The following COA8 variants were observed in gnomAD, a reference collection of about 807,000 sequenced individuals.
COA8 encodes the protein UPF0671 protein C14orf153.
COA8 carries 20 observed loss-of-function variants against 22.0 expected under a neutral mutation model. The observed-to-expected ratio is 0.91, with a 90% CI of 0.64 to 1.32. COA8 has a LOEUF of 1.32. Among genes scored for constraint, COA8 ranks in the 40% most tolerant of loss-of-function variants. The probability of loss-of-function intolerance (pLI) is 0.00; values close to 1 mark genes in which losing one functional copy is unlikely to be tolerated. For synonymous variants in COA8, 105 were observed against 79.9 expected (o/e 1.31, Z -1.68); for missense variants, 266 against 230.0 (o/e 1.16, Z -1.01).
At chr14:103,565,265 C>T (rs571893095) in intron 1 of COA8, among the ~76,000 whole-genome samples, 1 of 152,202 alleles carries the variant, frequency 6.6e-6, no homozygotes, top group East Asian at 1.9e-4. Context: ...CAGCCAGCAC[C>T]AGCTTTTAAT....
At chr14:103,568,268 AG>A (rs902035878) in intron 1 of COA8, among the ~76,000 whole-genome samples, 1 of 151,998 alleles carries the variant, frequency 6.6e-6, no homozygotes, top group Non-Finnish European at 1.5e-5. Flanking sequence ...TGGCTTCTGG[AG>A]GGAGAGATGC....
chr14:103,564,534 C>T (rs1471072524), intron 1 of COA8, among the ~76,000 whole-genome samples: 2 of 150,850 alleles, frequency 1.3e-5, no homozygotes, highest in East Asian at 3.9e-4. Flanking sequence ...GAAACAACAG[C>T]ACCCAAATAA....
intron 1 of COA8, among the ~76,000 whole-genome samples, chr14:103,569,677 G>A (rs1451773083): frequency 6.6e-6 from 1 of 152,348 alleles, no homozygotes; most frequent in East Asian, 1.9e-4. Context: ...ACAGTCTAGG[G>A]GGGTGGACCG....
In COA8 at chr14:103,571,705, A is replaced by C. The variant is rs1385696272; in HGVS notation, c.206A>C (p.His69Pro). 1 of 1,614,210 alleles carries C rather than the reference A, an allele frequency of 6.2e-7. No homozygotes were observed. Among genetic ancestry groups the C allele is most frequent in the East Asian group, 2.2e-5 (1 of 44,890 alleles). The change falls in exon 2 of 5, where the codon CAC becomes CCC. Residue 69 changes from histidine (H) to proline (P), a missense_variant. By Grantham distance (77) the His-to-Pro change is moderately conservative. Transcript: ENST00000409074. ...AAATATTCAAACCTTCGACCTGTTCACTTTTACATACCTGAAAATGAATCT... is the reference window on the plus strand; with the variant it reads ...AAATATTCAAACCTTCGACCTGTTCCCTTTTACATACCTGAAAATGAATCT... Reference protein sequence around the residue: ...PDKYSNLRPVHFYIPENESPL... With the variant: ...PDKYSNLRPVPFYIPENESPL...
chr14:103,574,225 A>G, intron 3 of COA8, 55 bp downstream of exon 3: 3 of 1,605,854 alleles, frequency 1.9e-6, no homozygotes, highest in Non-Finnish European at 2.6e-6. Flanking sequence ...GAGCTAGTCC[A>G]TGAAAAGGGA....
intron 1 of COA8, among the ~76,000 whole-genome samples, chr14:103,564,672 C>A (rs887443495): frequency 6.7e-6 from 1 of 149,914 alleles, no homozygotes; most frequent in Non-Finnish European, 1.5e-5. Flanking sequence ...CTCTGCCTCC[C>A]GGGCTCAAGC....
At chr14:103,577,819 G>A (rs954760083) in intron 3 of COA8, among the ~76,000 whole-genome samples, 6 of 152,108 alleles carry the variant, frequency 3.9e-5, no homozygotes, top group African/African-American at 1.2e-4. Flanking sequence ...GAGGTCAGGA[G>A]TTTGAGACCA....
intron 3 of COA8, among the ~76,000 whole-genome samples, chr14:103,582,270 C>T (rs143310583): frequency 1.8e-3 from 268 of 152,268 alleles, no homozygotes; most frequent in African/African-American, 6.2e-3. Context: ...TGAGCCATAG[C>T]TGGGGGGCAT....
chr14:103,580,515 A>G (rs1229891748), intron 3 of COA8, among the ~76,000 whole-genome samples: 2 of 150,946 alleles, frequency 1.3e-5, no homozygotes, highest in African/African-American at 4.9e-5. Context: ...TGTTTTTTGA[A>G]GCGGAGTCTC....
At chr14:103,573,032 C>T (rs1260601208) in intron 2 of COA8, among the ~76,000 whole-genome samples, 6 of 152,072 alleles carry the variant, frequency 3.9e-5, no homozygotes, top group South Asian at 2.1e-4. Context: ...CCGCCCACCT[C>T]GGCCTCCCAA....
chr14:103,576,104 G>A (rs1007741529), intron 3 of COA8, among the ~76,000 whole-genome samples: 10 of 152,200 alleles, frequency 6.6e-5, no homozygotes, highest in African/African-American at 1.9e-4. Context: ...TCAGGAGTTC[G>A]AGACCAGCCT....
rs1052414224 is a variant in COA8, at chr14:103,581,760, G to A, written c.386-5514G>A. 2 of 396,088 alleles carry A rather than the reference G, an allele frequency of 5.0e-6. No homozygotes were observed. The highest frequency in any genetic ancestry group is 8.9e-6 in the Non-Finnish European group (2 of 224,910). The allele number at this position is 396,088 out of a possible 1,614,324, so 24.5% of individuals were successfully genotyped here. ...GAGCAGGGGGCTGTAGAGTTAAACT[G>A]TTCTTCATTCCGGTGGCACTAGACC... On this transcript the variant is annotated intron_variant, in intron 3 of 4. Coordinates refer to ENST00000409074, the MANE Select transcript of COA8 (RefSeq NM_001370595.2). The surrounding 1 kb of genome is among the most constrained non-coding windows in gnomAD (Gnocchi z 4.1).
In COA8 at chr14:103,569,869, T is replaced by G. The variant is rs193005357; in HGVS notation, c.124-1754T>G. 2.3e-3 allele frequency among the ~76,000 whole-genome samples: 346 copies of G among 152,344 alleles called. 2 individuals are homozygous for G. Among genetic ancestry groups the G allele is most frequent in the Admixed American group, 6.3e-3 (96 of 15,302 alleles). The stretch of plus-strand genomic sequence containing the variant: ...GTTTTGGTTTTTTGTTTGTTTGTTT[T>G]TTTTTGAGACGGAGTCTCGCTCTGT... On this transcript the variant is annotated intron_variant, in intron 1 of 4. Transcript: ENST00000409074.
Position 103,590,352 on chromosome 14 carries a change from G to A in COA8, c.*66G>A, listed in dbSNP as rs1595153588. On this transcript the variant is annotated 3_prime_UTR_variant, in exon 5 of 5. Coordinates refer to ENST00000409074, the MANE Select transcript of COA8 (RefSeq NM_001370595.2). ...AAGCAGATGGAGCTCCTTTCACAGG[G>A]GCTCTGAGAAAAACTGGAGCTGATC... 3 of 1,422,352 alleles carry A rather than the reference G, an allele frequency of 2.1e-6. No homozygotes were observed. Among genetic ancestry groups the A allele is most frequent in the South Asian group, 2.4e-5 (2 of 82,120 alleles). The allele number at this position is 1,422,352 out of a possible 1,614,324, so 88.1% of individuals were successfully genotyped here.
intron 2 of COA8, among the ~76,000 whole-genome samples, chr14:103,572,157 C>G (rs1173291839): frequency 6.6e-6 from 1 of 151,558 alleles, no homozygotes; most frequent in Admixed American, 6.6e-5. Context: ...AGTTTTAGAT[C>G]AGAATGAGAA....
chr14:103,568,579 G>A (rs1393251456), intron 1 of COA8, among the ~76,000 whole-genome samples: 4 of 146,224 alleles, frequency 2.7e-5, no homozygotes, highest in East Asian at 2.0e-4. Flanking sequence ...ACGTGTGTGT[G>A]TATATATATA....
At chr14:103,580,966 T>C (rs1306181124) in intron 3 of COA8, among the ~76,000 whole-genome samples, 1 of 151,990 alleles carries the variant, frequency 6.6e-6, no homozygotes, top group Non-Finnish European at 1.5e-5. Context: ...CCGGCTAATT[T>C]TTTTTGTATT....
chr14:103,571,242 G>A (rs2076181909), intron 1 of COA8, among the ~76,000 whole-genome samples: 2 of 152,158 alleles, frequency 1.3e-5, no homozygotes, highest in Middle Eastern at 3.4e-3. Flanking sequence ...GGTGATGGGC[G>A]CCTGTAGTCC....
At chr14:103,587,508 C>CTTTT (rs368240107) in intron 4 of COA8, 144 bp downstream of exon 4, 3 of 308,790 alleles carry the variant, frequency 9.7e-6, no homozygotes, top group Admixed American at 5.3e-5. Context: ...TTCTTTTTTT[C>CTTTT]TTTTTTTTTT....
Sources: allele counts gnomAD v4.1 joint callset (sites outside exome capture counted in the v4.1 genomes callset), GRCh38; gene constraint gnomAD v4.1.1; non-coding constraint Gnocchi (gnomAD v3.1); transcripts MANE v1.5; gene names NCBI Gene and HGNC (gene_info 2026-07-23, HGNC 2026-07-21).